The following KIF6 variants were observed in gnomAD, a reference collection of about 807,000 sequenced individuals.
KIF6 encodes kinesin-like protein KIF6.
In KIF6, 106 loss-of-function variants were observed where a neutral mutation model predicts 112.7. The ratio of observed to expected loss-of-function variants is 0.94; its 90% CI spans 0.80 to 1.11. The LOEUF is 1.11. Among genes scored for constraint, KIF6 ranks in the 50% least tolerant of loss-of-function variants. KIF6 has a pLI of 0.00. For missense variants in KIF6, 929 were observed against 964.0 expected, an observed-to-expected ratio of 0.96 and a Z score of 0.48; for synonymous variants, 339 against 339.9, an observed-to-expected ratio of 1.00 and a Z score of 0.03.
rs143763273 is a variant in KIF6, at chr6:39,512,120, C to T, written c.1645+27883G>A. ...AAAAATTTTTAAAAAAATTGATAAC[C>T]GATGGACTACAGGGAATGGTTCCAG... On this transcript the variant is annotated intron_variant, in intron 13 of 22. Coordinates refer to ENST00000287152, the MANE Select transcript of KIF6 (RefSeq NM_145027.6). Among the ~76,000 whole-genome samples the T allele has an allele frequency of 7.0e-3, 1,059 of 152,128 alleles. 12 individuals are homozygous for T. Among genetic ancestry groups the T allele is most frequent in the African/African-American group, 0.024 (989 of 41,484 alleles).
At chr6:39,668,718 A>T (rs1474322159) in intron 3 of KIF6, among the ~76,000 whole-genome samples, 1 of 152,152 alleles carries the variant, frequency 6.6e-6, no homozygotes, top group Non-Finnish European at 1.5e-5. Context: ...CCTCCAATGT[A>T]AATTAATTAT....
chr6:39,682,870 G>A (rs1255825040), intron 3 of KIF6, among the ~76,000 whole-genome samples: 2 of 31,186 alleles, frequency 6.4e-5, no homozygotes, highest in East Asian at 6.2e-3. Context: ...GAGCCACCGC[G>A]CCAGCGTGAC....
intron 13 of KIF6, among the ~76,000 whole-genome samples, chr6:39,511,456 G>A (rs1325161346): frequency 6.6e-6 from 1 of 152,202 alleles, no homozygotes; most frequent in Non-Finnish European, 1.5e-5. Context: ...GTGCTGGAGA[G>A]GATGTGGAGA....
chr6:39,569,651 C>A (rs1204515361), intron 10 of KIF6, among the ~76,000 whole-genome samples: 1 of 152,200 alleles, frequency 6.6e-6, no homozygotes, highest in Non-Finnish European at 1.5e-5. Context: ...AGGATGAAAG[C>A]ATTGATGGGT....
Position 39,545,593 on chromosome 6 carries a change from T to G in KIF6, c.1277A>C (p.His426Pro). The change falls in exon 11 of 23, where the codon CAT becomes CCT. Residue 426 changes from histidine (H) to proline (P), a missense_variant. Around this residue, in one of 2 missense-constraint regions of KIF6, gnomAD observed 688 missense variants for 662.7 expected, o/e 1.04. Coordinates refer to ENST00000287152, the MANE Select transcript of KIF6 (RefSeq NM_145027.6). ...ADMRKVHHCF[H>P]HLKKLLNDKK... is the part of the protein sequence containing the mutation. ...AACATTTAAGTTTACCTTTAAATGA[T>G]GAAAACAGTGATGAACTTTACGCAT... 1 of 1,609,578 alleles carries G rather than the reference T, an allele frequency of 6.2e-7. No individual in the cohort carries two copies. Among genetic ancestry groups the G allele is most frequent in the Non-Finnish European group, 8.5e-7 (1 of 1,176,296 alleles).
chr6:39,632,588 CA>C (rs35217887), intron 5 of KIF6, among the ~76,000 whole-genome samples: 5,020 of 140,746 alleles, frequency 0.036, 240 homozygotes, highest in African/African-American at 0.11. Flanking sequence ...CCAAGTACAG[CA>C]AAAAAAAAAA....
At chr6:39,442,075 A>G (rs1229133437) in intron 13 of KIF6, among the ~76,000 whole-genome samples, 1 of 152,212 alleles carries the variant, frequency 6.6e-6, no homozygotes, top group African/African-American at 2.4e-5. Flanking sequence ...CTGATGCCAG[A>G]AATCACACAT....
intron 10 of KIF6, among the ~76,000 whole-genome samples, chr6:39,572,159 C>G (rs1399964187): frequency 2.0e-5 from 3 of 151,984 alleles, no homozygotes; most frequent in African/African-American, 7.3e-5. Context: ...CATAAGAAAC[C>G]TTAAGTCTGC....
At chr6:39,620,282 T>C (rs962905115) in intron 5 of KIF6, 1 of 152,214 alleles carries the variant, frequency 6.6e-6, no homozygotes, top group Non-Finnish European at 1.5e-5. Context: ...CAACTTTTTT[T>C]CAAAGGAAGT....
At chr6:39,489,788 T>C (rs889548984) in intron 13 of KIF6, among the ~76,000 whole-genome samples, 1 of 152,218 alleles carries the variant, frequency 6.6e-6, no homozygotes, top group Non-Finnish European at 1.5e-5. Context: ...AATGACTTTA[T>C]ATTGTTATCA....
At chr6:39,458,588 GT>G (rs1166652528) in intron 13 of KIF6, among the ~76,000 whole-genome samples, 1 of 147,632 alleles carries the variant, frequency 6.8e-6, no homozygotes, top group East Asian at 2.0e-4. Flanking sequence ...AATTGTCCCT[GT>G]TTGCAGACGA....
At chr6:39,609,909 C>G (rs1042672839) in intron 6 of KIF6, among the ~76,000 whole-genome samples, 8 of 152,104 alleles carry the variant, frequency 5.3e-5, no homozygotes, top group African/African-American at 1.9e-4. Flanking sequence ...AAATGTAATC[C>G]AAGAAACTGC....
chr6:39,680,752 T>C (rs1198423523), intron 3 of KIF6, among the ~76,000 whole-genome samples: 1 of 152,220 alleles, frequency 6.6e-6, no homozygotes, highest in Admixed American at 6.5e-5. Context: ...TAAGTGGTTA[T>C]AAAAGTAAGG....
In KIF6 at chr6:39,613,240, T is replaced by C. The variant is rs367771821; in HGVS notation, c.588A>G (p.Glu196=). The change falls in exon 6 of 23, where the codon GAA becomes GAG. Residue 196 remains glutamate, a synonymous_variant. Coordinates refer to ENST00000287152, the MANE Select transcript of KIF6 (RefSeq NM_145027.6). ...NLTLHQATTE[E]EALNLLFLGD... ...CTAAAAAAAGCAAATTCAGAGCTTC[T>C]TCCTCTGTGGTTGCCTGATGGAGAG... is the stretch of plus-strand genomic sequence containing the variant. 6 of 1,606,534 alleles carry C rather than the reference T, an allele frequency of 3.7e-6. No individual in the cohort carries two copies. The African/African-American group carries it at 8.1e-5, about 22-fold the overall frequency.
intron 13 of KIF6, among the ~76,000 whole-genome samples, chr6:39,470,695 A>T (rs562823815): frequency 7.3e-5 from 11 of 151,366 alleles, no homozygotes; most frequent in African/African-American, 2.7e-4. Flanking sequence ...ATCTACTGAC[A>T]GCTGTTTCCA....
rs1253000738 is a variant in KIF6, at chr6:39,330,213, A to G, written c.*6319T>C. The G allele has an allele frequency of 3.3e-5, 5 of 152,214 alleles. No individual in the cohort carries two copies. The highest frequency in any genetic ancestry group is 2.1e-4 in the South Asian group (1 of 4,830). 9.4% of individuals were successfully genotyped at this position (152,214 alleles called of 1,614,324 possible). The stretch of plus-strand genomic sequence containing the variant: ...GAAGCCCTAAAACAGCTTCATAGGC[A>G]TAAGTCCTAGAGCACCTTGGGACAT... On this transcript the variant is annotated 3_prime_UTR_variant, in exon 23 of 23. Transcript: ENST00000287152.
chr6:39,528,055 A>G (rs1021872565), intron 13 of KIF6, among the ~76,000 whole-genome samples: 2 of 152,188 alleles, frequency 1.3e-5, no homozygotes, highest in Non-Finnish European at 2.9e-5. Flanking sequence ...ATATATCTCA[A>G]AGTAAAAGAC....
Position 39,639,762 on chromosome 6 carries a change from A to G in KIF6, c.252-5T>C, listed in dbSNP as rs1784812574. 2 of 1,606,020 alleles carry G rather than the reference A, an allele frequency of 1.2e-6. No individual in the cohort carries two copies. On this transcript the variant is annotated splice_polypyrimidine_tract_variant and splice_region_variant and intron_variant, in intron 3 of 22. Coordinates refer to ENST00000287152, the MANE Select transcript of KIF6 (RefSeq NM_145027.6). ...CCATTGTAACCTGCCAGGACACTGC[A>G]ATAAAGAAATGACACACTTTCAATA...
intron 22 of KIF6, 75 bp from the exon 23 acceptor site, chr6:39,336,623 G>C: frequency 7.2e-7 from 1 of 1,396,090 alleles, no homozygotes; most frequent in Non-Finnish European, 1.0e-6. Context: ...GAATCGGGGG[G>C]AGGGGAGGCC....
Sources: gnomAD v4.1 joint callset for allele counts (sites outside exome capture counted in the v4.1 genomes callset) on GRCh38, gnomAD v4.1.1 for gene constraint, gnomAD v4.1.1 regional missense constraint, MANE v1.5 for transcripts, NCBI Gene and HGNC (gene_info 2026-07-23, HGNC 2026-07-21) for gene names.